Variants in RORA observed in about 807,000 individuals in gnomAD.
The protein encoded by RORA is RAR related orphan receptor A.
In RORA, 7 loss-of-function variants were observed where a neutral mutation model predicts 69.5. That is an observed-to-expected ratio of 0.10 (90% CI 0.06 to 0.19). The LOEUF is 0.19. Ranked by LOEUF, RORA falls within the 10% of genes least tolerant of loss-of-function variation. The probability of loss-of-function intolerance (pLI) is 1.00; values close to 1 mark genes in which losing one functional copy is unlikely to be tolerated. For synonymous variants in RORA, 261 were observed against 240.8 expected (o/e 1.08, Z -0.78); for missense variants, 457 against 663.0 (o/e 0.69, Z 3.41).
chr15:60,699,120 T>A (rs1466824099), intron 1 of RORA, among the ~76,000 whole-genome samples: 1 of 152,162 alleles, frequency 6.6e-6, no homozygotes, highest in Non-Finnish European at 1.5e-5. Context: ...TAGCCCTTTA[T>A]GTAATTTCTA....
At chr15:60,830,221 G>A (rs976754285) in intron 1 of RORA, among the ~76,000 whole-genome samples, 6 of 152,270 alleles carry the variant, frequency 3.9e-5, no homozygotes, top group Non-Finnish European at 8.8e-5. Flanking sequence ...TCAAATAGAA[G>A]AAAGAATTAT....
chr15:60,934,535 A>G (rs1266197799), intron 1 of RORA, among the ~76,000 whole-genome samples: 1 of 152,024 alleles, frequency 6.6e-6, no homozygotes, highest in Non-Finnish European at 1.5e-5. Flanking sequence ...AGGTCTCACT[A>G]TGTGACCCAG....
intron 1 of RORA, among the ~76,000 whole-genome samples, chr15:61,094,647 T>C (rs1411173905): frequency 2.0e-5 from 3 of 152,228 alleles, no homozygotes; most frequent in African/African-American, 4.8e-5. Context: ...GAATTAGTTA[T>C]TTCCAGCACA....
chr15:60,858,692 TACACAC>T (rs3053884), intron 1 of RORA, among the ~76,000 whole-genome samples: 9 of 142,818 alleles, frequency 6.3e-5, no homozygotes, highest in Non-Finnish European at 1.2e-4. Context: ...AGAAAGAAAA[TACACAC>T]ACACACACAC....
At chr15:60,931,861 T>C (rs1217223157) in intron 1 of RORA, among the ~76,000 whole-genome samples, 2 of 152,206 alleles carry the variant, frequency 1.3e-5, no homozygotes, top group African/African-American at 2.4e-5. Context: ...CAGCTAAATA[T>C]TGATTCCTTC....
At chr15:60,605,682 G>A (rs1401169381) in intron 2 of RORA, among the ~76,000 whole-genome samples, 1 of 152,190 alleles carries the variant, frequency 6.6e-6, no homozygotes, top group Non-Finnish European at 1.5e-5. Flanking sequence ...CAGGGAGGGA[G>A]AGAAGGTAAG....
chr15:61,066,803 C>A (rs1172035153), intron 1 of RORA, among the ~76,000 whole-genome samples: 1 of 138,072 alleles, frequency 7.2e-6, no homozygotes, highest in African/African-American at 2.7e-5. Flanking sequence ...GTAAAAATGT[C>A]ATTTCTCAAG....
chr15:60,685,692 A>G (rs2070735549), intron 1 of RORA, among the ~76,000 whole-genome samples: 1 of 152,198 alleles, frequency 6.6e-6, no homozygotes, highest in African/African-American at 2.4e-5. Context: ...ACTTTGTTTC[A>G]AAAATTCTTA....
chr15:61,221,128 A>G (rs899926296), intron 1 of RORA, among the ~76,000 whole-genome samples: 1 of 152,220 alleles, frequency 6.6e-6, no homozygotes, highest in African/African-American at 2.4e-5. Context: ...AAAGAAGCAT[A>G]CAGTTGACTG....
intron 1 of RORA, among the ~76,000 whole-genome samples, chr15:60,795,027 TA>T (rs531684808): frequency 9.7e-4 from 148 of 152,258 alleles, no homozygotes; most frequent in African/African-American, 3.5e-3. Context: ...CTCAATTACA[TA>T]AAAACCTCAA....
intron 3 of RORA, among the ~76,000 whole-genome samples, chr15:60,525,432 C>T (rs986010599): frequency 3.3e-5 from 5 of 152,192 alleles, no homozygotes; most frequent in African/African-American, 1.2e-4. Flanking sequence ...GGTCTTTTGA[C>T]AATTTTCACT....
At chr15:60,791,084 G>C (rs78498480) in intron 1 of RORA, among the ~76,000 whole-genome samples, 19,539 of 151,994 alleles carry the variant, frequency 0.13, 1,591 homozygotes, top group East Asian at 0.43. Flanking sequence ...GTATCAAAAA[G>C]TCTGGCTCTT....
chr15:60,765,865 C>T (rs544036315), intron 1 of RORA, among the ~76,000 whole-genome samples: 72 of 152,188 alleles, frequency 4.7e-4, no homozygotes, highest in Middle Eastern at 6.8e-3. Context: ...CGCTCCCCCA[C>T]CTAACCCCCC....
At chr15:60,642,401 C>A (rs1201277536) in intron 2 of RORA, among the ~76,000 whole-genome samples, 1 of 152,220 alleles carries the variant, frequency 6.6e-6, no homozygotes, top group East Asian at 1.9e-4. Flanking sequence ...CAGAGTTGGT[C>A]CAGTCAGTGT....
intron 10 of RORA, among the ~76,000 whole-genome samples, chr15:60,499,690 C>T (rs899342562): frequency 5.3e-5 from 8 of 152,116 alleles, no homozygotes; most frequent in African/African-American, 1.2e-4. Flanking sequence ...TTGTAATCAA[C>T]GATAGTAAGT....
At chr15:60,888,779 G>T (rs1171868887) in intron 1 of RORA, among the ~76,000 whole-genome samples, 1 of 152,150 alleles carries the variant, frequency 6.6e-6, no homozygotes, top group Non-Finnish European at 1.5e-5. Flanking sequence ...AGCTGTCTGT[G>T]CTCCGGGAGA....
chr15:60,551,956 A>G (rs2140392982), intron 2 of RORA, among the ~76,000 whole-genome samples: 1 of 152,362 alleles, frequency 6.6e-6, no homozygotes, highest in South Asian at 2.1e-4. Context: ...TCACTTGGGA[A>G]GAGTGAGCCG....
At chr15:60,576,869 C>G (rs17191512) in intron 2 of RORA, among the ~76,000 whole-genome samples, 30 of 152,312 alleles carry the variant, frequency 2.0e-4, no homozygotes, top group Non-Finnish European at 3.4e-4. Context: ...TGGGATAGCT[C>G]TGGAAGTGGT....
intron 1 of RORA, among the ~76,000 whole-genome samples, chr15:60,846,264 C>T (rs941100207): frequency 2.0e-5 from 3 of 152,152 alleles, no homozygotes; most frequent in Non-Finnish European, 2.9e-5. Context: ...CATTGGTGCC[C>T]GTACTGTGAT....
Sources: gnomAD v4.1 joint callset for allele counts (sites outside exome capture counted in the v4.1 genomes callset) on GRCh38, gnomAD v4.1.1 for gene constraint, MANE v1.5 for transcripts, NCBI Gene and HGNC (gene_info 2026-07-23, HGNC 2026-07-21) for gene names.